ATP8B3: variants seen among roughly 807,000 people sequenced by gnomAD.
The protein encoded by ATP8B3 is phospholipid-transporting ATPase IK.
A neutral mutation model predicts 140.9 loss-of-function variants in ATP8B3; 141 were observed. That is an observed-to-expected ratio of 1.00 (90% CI 0.87 to 1.15). The LOEUF is 1.15. ATP8B3 is among the 50% of genes most tolerant of loss of function. The probability of loss-of-function intolerance (pLI) is 0.00; values close to 1 mark genes in which losing one functional copy is unlikely to be tolerated. For synonymous variants in ATP8B3, 765 were observed against 714.6 expected (o/e 1.07, Z -1.13); for missense variants, 1,874 against 1,740.6 (o/e 1.08, Z -1.36).
At position 1,790,763 on chromosome 19, in the gene ATP8B3, T is replaced by G; in HGVS notation, c.2372A>C (p.Glu791Ala). The G allele has an allele frequency of 1.9e-6, 3 of 1,576,038 alleles. No individual in the cohort carries two copies. Among genetic ancestry groups the G allele is most frequent in the Non-Finnish European group, 2.6e-6 (3 of 1,161,582 alleles). The change falls in exon 21 of 29, where the codon GAG (glutamate) becomes GCG (alanine). Residue 791 changes from glutamate (E) to alanine (A), a missense_variant. Physicochemically the swap from Glu to Ala is moderately radical, Grantham distance 107. Transcript: ENST00000310127. ...CCAACTCCCCACTTCTTACCTAATC[T>G]CCTTCTCCTCCAGAATGAGCATATT... ...SENMLILEEK[E>A]ISRILETYWE... is the part of the protein sequence containing the mutation.
rs762402832 is a variant in ATP8B3 at position 1,802,608 on chromosome 19, G to A, written c.942C>T (p.His314=). ...TCCATTCCAGGCACCCCACGAAGTG[G>A]TGCATCCGACTGTTAGGCGCCTCAC... is the stretch of plus-strand genomic sequence containing the variant. ...VTCEAPNSRM[H]HFVGCLEWND... is the part of the protein sequence containing the mutation. The change falls in exon 11 of 29, where the codon CAC becomes CAT. Residue 314 remains histidine, a synonymous_variant. Transcript: ENST00000310127. 1.1e-5 allele frequency: 18 copies of A among 1,611,886 alleles called. No individual in the cohort carries two copies. The highest frequency in any genetic ancestry group is 4.5e-5 in the East Asian group (2 of 44,766).
rs1455400415 is a variant in ATP8B3, at chr19:1,806,141, A to G, written c.706T>C (p.Cys236Arg). 6.2e-7 allele frequency: 1 copy of G among 1,600,170 alleles called. No individual in the cohort carries two copies. Among genetic ancestry groups the G allele is most frequent in the Non-Finnish European group, 8.5e-7 (1 of 1,174,136 alleles). Reference sequence around the variant, plus strand: ...CGGAGACAGACCACATCCCCCACGCACAGATCCTGCCATTTCTTCTGCTTG... The same window carrying G: ...CGGAGACAGACCACATCCCCCACGCGCAGATCCTGCCATTTCTTCTGCTTG... ...SFKQKKWQDL[C>R]VGDVVCLRKD... is the part of the protein sequence containing the mutation. Residue 236 changes from cysteine to arginine, a missense_variant, in exon 8 of 29, where the codon TGC becomes CGC. By Grantham distance (180) the Cys-to-Arg change is radical. Coordinates refer to ENST00000310127, the MANE Select transcript of ATP8B3 (RefSeq NM_138813.4). The surrounding 1 kb of genome is among the most constrained non-coding windows in gnomAD (Gnocchi z 5.6).
At chr19:1,809,501 GAAAAAGAAAACGAAAACCAA>G (rs2069125644) in intron 4 of ATP8B3, 122 bp downstream of exon 4, 2 of 728,406 alleles carry the variant, frequency 2.7e-6, no homozygotes. Context: ...AAGAAAGAAA[GAAAAAGAAAACGAAAACCAA>G]AAAAAGAAAA....
At chr19:1,801,883 G>T in intron 12 of ATP8B3, 73 bp downstream of exon 12, 1 of 1,190,850 alleles carries the variant, frequency 8.4e-7, no homozygotes, top group Non-Finnish European at 1.2e-6. Context: ...AGGAAACTGA[G>T]GCCTGGAAGA....
rs1156659366 is a variant in ATP8B3, at chr19:1,811,608, G to A, written c.129C>T (p.Ile43=). The change falls in exon 2 of 29, where the codon ATC becomes ATT. Residue 43 remains isoleucine, a synonymous_variant. Coordinates refer to ENST00000310127, the MANE Select transcript of ATP8B3 (RefSeq NM_138813.4). Reference sequence around the variant, plus strand: ...CTCTGATCACCGTCTCACCTCCGCGGATGCCAGCAGGACCTGAGCCTTCCT... The same window carrying A: ...CTCTGATCACCGTCTCACCTCCGCGAATGCCAGCAGGACCTGAGCCTTCCT... ...VTQEGSGPAG[I]RGGETVIRAG... The A allele has an allele frequency of 1.9e-6, 3 of 1,612,124 alleles. No homozygotes were observed. Among genetic ancestry groups the A allele is most frequent in the Admixed American group, 3.3e-5 (2 of 60,000 alleles).
Position 1,800,133 on chromosome 19 carries a change from T to C in ATP8B3, c.1366A>G (p.Asn456Asp). The stretch of plus-strand genomic sequence containing the variant: ...ACGTCCCAGTCGATGAAGACGCTGT[T>C]CCCCAGGTAGATGAACTCGGACCTG... ...FILSEFIYLG[N>D]SVFIDWDVQM... Residue 456 changes from asparagine to aspartate, a missense_variant, in exon 14 of 29, where the codon AAC becomes GAC. Around this residue, in one of 3 missense-constraint regions of ATP8B3, gnomAD observed 1,032 missense variants for 963.6 expected, o/e 1.07. Transcript: ENST00000310127. This position sits in a 1 kb window ranked among gnomAD's most constrained non-coding sequence, Gnocchi z 4.4. 6.4e-7 allele frequency: 1 copy of C among 1,559,260 alleles called. No individual in the cohort carries two copies. Among genetic ancestry groups the C allele is most frequent in the Non-Finnish European group, 8.7e-7 (1 of 1,151,182 alleles).
intron 14 of ATP8B3, chr19:1,799,440 C>T (rs934203185): frequency 1.6e-4 from 28 of 175,390 alleles, no homozygotes; most frequent in Non-Finnish European, 2.9e-4. Flanking sequence ...GCCTGGGCAA[C>T]GAGAGCAAAA....
In ATP8B3 at chr19:1,809,735, C is replaced by G; in HGVS notation, c.311-1G>C. Reference sequence around the variant, plus strand: ...TTGGCCTGGACCTTCCAGGTGAATGCTGCAGCGAGAGAGCCGGGCGTCGCT... The same window carrying G: ...TTGGCCTGGACCTTCCAGGTGAATGGTGCAGCGAGAGAGCCGGGCGTCGCT... On this transcript the variant is annotated splice_acceptor_variant, in intron 3 of 28. Transcript: ENST00000310127. LOFTEE classifies it high-confidence loss of function. 6.2e-7 allele frequency: 1 copy of G among 1,605,590 alleles called. No individual in the cohort carries two copies. The highest frequency in any genetic ancestry group is 1.7e-4 in the Middle Eastern group (1 of 6,052).
intron 25 of ATP8B3, 54 bp downstream of exon 25, chr19:1,787,049 G>A: frequency 6.8e-7 from 1 of 1,476,610 alleles, no homozygotes; most frequent in Non-Finnish European, 9.3e-7. Flanking sequence ...GCGGAGGAGA[G>A]GAGGAGAGGC....
In ATP8B3 at chr19:1,782,389, G is replaced by GGAT. The variant is rs1327470705; in HGVS notation, c.*636_*638dup. 4.3e-6 allele frequency: 1 copy of GGAT among 234,306 alleles called. No individual in the cohort carries two copies. The highest frequency in any genetic ancestry group is 2.3e-5 in the African/African-American group (1 of 43,174). The allele number at this position is 234,306 out of a possible 1,614,324, so 14.5% of individuals were successfully genotyped here. A position where few individuals can be genotyped will look rare whatever the true frequency, so the allele number is the denominator to read the frequency against. ...CCCCGGGCACCAGCAGCCACTCCAT[G>GGAT]GATGATGATGACTGCTTCTCCGCGG... On this transcript the variant is annotated 3_prime_UTR_variant, in exon 29 of 29. Transcript: ENST00000310127.
rs62127695 is a variant in ATP8B3, at chr19:1,800,246, G to T, written c.1343+13C>A. Reference sequence around the variant, plus strand: ...CCGCGTTTGCACCGGGGACGCAGCCGGCGGAGACTCACAGGATGAACATGG... The same window carrying T: ...CCGCGTTTGCACCGGGGACGCAGCCTGCGGAGACTCACAGGATGAACATGG... On this transcript the variant is annotated intron_variant, in intron 13 of 28. Coordinates refer to ENST00000310127, the MANE Select transcript of ATP8B3 (RefSeq NM_138813.4). The surrounding 1 kb of genome is among the most constrained non-coding windows in gnomAD (Gnocchi z 4.4). The T allele has an allele frequency of 6.2e-7, 1 of 1,609,380 alleles. No homozygotes were observed. The highest frequency in any genetic ancestry group is 1.1e-5 in the South Asian group (1 of 90,996).
At position 1,787,087 on chromosome 19, in the gene ATP8B3, G is replaced by A; in HGVS notation, c.3153+16C>T. 6.3e-7 allele frequency: 1 copy of A among 1,578,078 alleles called. No homozygotes were observed. Among genetic ancestry groups the A allele is most frequent in the Non-Finnish European group, 8.6e-7 (1 of 1,158,494 alleles). On this transcript the variant is annotated intron_variant, in intron 25 of 28. Coordinates refer to ENST00000310127, the MANE Select transcript of ATP8B3 (RefSeq NM_138813.4). Reference sequence around the variant, plus strand: ...AGCAGAGACCTGGAAGGAAGACCCGGCCTTGCCCTGCTCACCTGCTCAAAG... The same window carrying A: ...AGCAGAGACCTGGAAGGAAGACCCGACCTTGCCCTGCTCACCTGCTCAAAG...
In ATP8B3 at chr19:1,805,828, G is replaced by T. The variant is rs1187443272; in HGVS notation, c.821+60C>A. ...CGCCTCCTTGGTGACTGGGGAAGGG[G>T]GCTCCTCCGGGCCATGCTCCCCACC... On this transcript the variant is annotated intron_variant, in intron 9 of 28. Transcript: ENST00000310127. This position sits in a 1 kb window ranked among gnomAD's most constrained non-coding sequence, Gnocchi z 5.2. 2.5e-6 allele frequency: 4 copies of T among 1,598,352 alleles called. No individual in the cohort carries two copies. The highest frequency in any genetic ancestry group is 1.7e-5 in the Admixed American group (1 of 59,732).
intron 18 of ATP8B3, among the ~76,000 whole-genome samples, chr19:1,792,680 G>A (rs982391020): frequency 6.6e-6 from 1 of 151,952 alleles, no homozygotes; most frequent in Non-Finnish European, 1.5e-5. Flanking sequence ...GGGAGGCCGA[G>A]GCAGGCGGAT....
intron 14 of ATP8B3, 38 bp downstream of exon 14, chr19:1,799,909 C>T (rs113802329): frequency 5.6e-5 from 87 of 1,545,702 alleles, no homozygotes; most frequent in Non-Finnish European, 7.3e-5. Flanking sequence ...CCTTGAAGAT[C>T]GAGGACCCAG....
In ATP8B3 at chr19:1,787,142, G is replaced by A. The variant is rs748023340; in HGVS notation, c.3114C>T (p.Tyr1038=). Residue 1038 remains tyrosine, a synonymous_variant, in exon 25 of 29, where the codon TAC becomes TAT. Transcript: ENST00000310127. ...CAATGTAGAGAACTGGCAGGGTGCT[G>A]TACAGGAGGTTGAAAAGAGCCAGGA... is the stretch of plus-strand genomic sequence containing the variant. The part of the protein sequence containing the change: ...GWFLALFNLL[Y]STLPVLYIGL... The A allele has an allele frequency of 1.6e-5, 26 of 1,610,838 alleles. No individual in the cohort carries two copies. Among genetic ancestry groups the A allele is most frequent in the Non-Finnish European group, 2.1e-5 (25 of 1,178,524 alleles).
chr19:1,809,518 C>A, intron 4 of ATP8B3, 125 bp downstream of exon 4: 1 of 825,704 alleles, frequency 1.2e-6, no homozygotes, highest in South Asian at 1.7e-5. Context: ...AAAACGAAAA[C>A]CAAAAAAAGA....
chr19:1,809,624 C>T lies in ATP8B3; in HGVS notation c.402+19G>A, dbSNP rs755772837. On this transcript the variant is annotated intron_variant, in intron 4 of 28. Coordinates refer to ENST00000310127, the MANE Select transcript of ATP8B3 (RefSeq NM_138813.4). ...CGGCAGCTCCTCTGGAGCAGGGAGG[C>T]GCGGGAGGGGCCGCCCACCTTGTAT... 20 of 1,582,890 alleles carry T rather than the reference C, an allele frequency of 1.3e-5. No individual in the cohort carries two copies. Among genetic ancestry groups the T allele is most frequent in the Non-Finnish European group, 1.6e-5 (19 of 1,163,756 alleles).
At chr19:1,809,789 T>C in intron 3 of ATP8B3, 55 bp from the exon 4 acceptor site, 2 of 1,501,360 alleles carry the variant, frequency 1.3e-6, no homozygotes, top group Non-Finnish European at 1.8e-6. Flanking sequence ...CAAACACCCC[T>C]AATGACCGCC....
Sources: gnomAD v4.1 joint callset for allele counts (sites outside exome capture counted in the v4.1 genomes callset) on GRCh38, gnomAD v4.1.1 for gene constraint, gnomAD v4.1.1 regional missense constraint, Gnocchi (gnomAD v3.1) non-coding constraint, MANE v1.5 for transcripts, NCBI Gene and HGNC (gene_info 2026-07-23, HGNC 2026-07-21) for gene names.